The following TBC1D5 variants were observed in gnomAD, a reference collection of about 807,000 sequenced individuals.
TBC1D5 encodes TBC1 domain family member 5.
In TBC1D5, 75 loss-of-function variants were observed where a neutral mutation model predicts 100.3. That is an observed-to-expected ratio of 0.75 (90% CI 0.62 to 0.91). The LOEUF (loss-of-function observed/expected upper bound fraction) is 0.91, where lower values mean the gene tolerates loss of function less well. Ranked by LOEUF, TBC1D5 falls within the 40% of genes least tolerant of loss-of-function variation. The pLI, the probability that TBC1D5 is intolerant of heterozygous loss-of-function variation, is 0.00. For synonymous variants in TBC1D5, 323 were observed against 325.6 expected (o/e 0.99, Z 0.09); for missense variants, 910 against 942.4 (o/e 0.97, Z 0.45).
intron 18 of TBC1D5, among the ~76,000 whole-genome samples, chr3:17,207,606 G>A (rs1231866428): frequency 6.6e-6 from 1 of 152,136 alleles, no homozygotes; most frequent in Non-Finnish European, 1.5e-5. Context: ...GGCATTAACA[G>A]GAATAAATGT....
intron 2 of TBC1D5, among the ~76,000 whole-genome samples, chr3:17,598,875 C>T (rs909987312): frequency 6.6e-6 from 1 of 152,102 alleles, no homozygotes; most frequent in African/African-American, 2.4e-5. Context: ...CCTATTAGCT[C>T]CCTCACACAA....
intron 3 of TBC1D5, among the ~76,000 whole-genome samples, chr3:17,453,985 T>C (rs1576060612): frequency 6.6e-6 from 1 of 152,158 alleles, no homozygotes; most frequent in East Asian, 1.9e-4. Flanking sequence ...ATGTGATACA[T>C]CCTACCAATG....
chr3:17,564,345 A>AT (rs2096580455), intron 2 of TBC1D5, among the ~76,000 whole-genome samples: 1 of 152,100 alleles, frequency 6.6e-6, no homozygotes, highest in Non-Finnish European at 1.5e-5. Context: ...ACTTTTATTC[A>AT]TTTTTTAACC....
At chr3:17,510,407 T>A (rs2095890975) in intron 2 of TBC1D5, among the ~76,000 whole-genome samples, 1 of 151,974 alleles carries the variant, frequency 6.6e-6, no homozygotes, top group Admixed American at 6.6e-5. Flanking sequence ...TAAAACAATA[T>A]AAGCAGAGGA....
chr3:17,227,924 T>C (rs1247752195), intron 17 of TBC1D5, among the ~76,000 whole-genome samples: 1 of 151,642 alleles, frequency 6.6e-6, no homozygotes, highest in African/African-American at 2.4e-5. Context: ...TCCCTCTTGA[T>C]CATCCAGTCT....
rs1046743346 is a variant in TBC1D5, at chr3:17,195,608, C to A, written c.1753-10400G>T. On this transcript the variant is annotated intron_variant, in intron 18 of 21. Transcript: ENST00000253692. ...TTGCACAACTTATTCTCTGGGCTAA[C>A]TGACCTCTATAATGTCCCAATAGAG... Among the ~76,000 whole-genome samples, 3 of 152,330 alleles carry A rather than the reference C, an allele frequency of 2.0e-5. 1 individual carries two copies. The highest frequency in any genetic ancestry group is 6.8e-3 in the Middle Eastern group (2 of 294).
chr3:17,422,060 T>TA (rs1006187953), intron 4 of TBC1D5, among the ~76,000 whole-genome samples: 1 of 152,164 alleles, frequency 6.6e-6, no homozygotes, highest in Non-Finnish European at 1.5e-5. Context: ...GACTGAGTGG[T>TA]GAGGAAGAGG....
At chr3:17,515,068 T>C (rs574856226) in intron 2 of TBC1D5, among the ~76,000 whole-genome samples, 7 of 151,990 alleles carry the variant, frequency 4.6e-5, no homozygotes, top group Non-Finnish European at 7.4e-5. Flanking sequence ...AAAATAAAAT[T>C]TGAAAAGAGA....
At chr3:17,674,966 C>T (rs1422906467) in intron 1 of TBC1D5, among the ~76,000 whole-genome samples, 1 of 151,952 alleles carries the variant, frequency 6.6e-6, no homozygotes, top group Admixed American at 6.6e-5. Context: ...AGAATCCCAA[C>T]CATGTTTTAT....
At chr3:17,319,873 A>G (rs916697126) in intron 13 of TBC1D5, among the ~76,000 whole-genome samples, 9 of 152,224 alleles carry the variant, frequency 5.9e-5, no homozygotes, top group African/African-American at 2.2e-4. Flanking sequence ...CTGTCTCAAA[A>G]GAAAAAGAAG....
chr3:17,456,130 C>A (rs1266772384), intron 3 of TBC1D5, among the ~76,000 whole-genome samples: 2 of 152,108 alleles, frequency 1.3e-5, no homozygotes, highest in Non-Finnish European at 2.9e-5. Flanking sequence ...TATCTCCTGA[C>A]ATATGGAAAA....
At chr3:17,195,196 C>T (rs1327581277) in intron 18 of TBC1D5, among the ~76,000 whole-genome samples, 2 of 152,192 alleles carry the variant, frequency 1.3e-5, no homozygotes, top group East Asian at 1.9e-4. Context: ...TGGAGAAATG[C>T]TCCCATCTTT....
intron 2 of TBC1D5, among the ~76,000 whole-genome samples, chr3:17,614,379 T>G (rs1164909690): frequency 6.6e-6 from 1 of 152,242 alleles, no homozygotes; most frequent in Admixed American, 6.5e-5. Flanking sequence ...GGCTCTTTTT[T>G]GGTTCCATAT....
chr3:17,158,943 G>A (rs73031251), exon 22 of TBC1D5: 18,115 of 149,524 alleles, frequency 0.12, 1,591 homozygotes, highest in East Asian at 0.39. Flanking sequence ...TGAAAACACT[G>A]ACACCTTCCC....
chr3:17,404,116 G>C (rs1465468744), intron 7 of TBC1D5, among the ~76,000 whole-genome samples: 3 of 152,086 alleles, frequency 2.0e-5, no homozygotes, highest in Non-Finnish European at 4.4e-5. Context: ...TATTGGGAAA[G>C]AGGAATGCTA....
intron 1 of TBC1D5, among the ~76,000 whole-genome samples, chr3:17,711,786 G>A (rs1269746534): frequency 6.6e-6 from 1 of 152,078 alleles, no homozygotes; most frequent in East Asian, 1.9e-4. Context: ...GTATTTACAG[G>A]TTTTCAGTGT....
chr3:17,687,293 T>C (rs1171007372), intron 1 of TBC1D5, among the ~76,000 whole-genome samples: 1 of 152,102 alleles, frequency 6.6e-6, no homozygotes, highest in Non-Finnish European at 1.5e-5. Context: ...ATGAGAGCAT[T>C]AAAAGCTAAA....
At chr3:17,217,190 T>C (rs995705038) in intron 17 of TBC1D5, among the ~76,000 whole-genome samples, 6 of 152,148 alleles carry the variant, frequency 3.9e-5, no homozygotes, top group Non-Finnish European at 7.4e-5. Context: ...TCATCTATGT[T>C]ATAGCATGTA....
At chr3:17,275,758 G>A (rs2079927008) in intron 15 of TBC1D5, among the ~76,000 whole-genome samples, 1 of 152,198 alleles carries the variant, frequency 6.6e-6, no homozygotes, top group Non-Finnish European at 1.5e-5. Flanking sequence ...GGCAAAGCCA[G>A]TGGGAAAGAC....
Sources: allele counts gnomAD v4.1 joint callset (sites outside exome capture counted in the v4.1 genomes callset), GRCh38; gene constraint gnomAD v4.1.1; transcripts MANE v1.5; gene names NCBI Gene and HGNC (gene_info 2026-07-23, HGNC 2026-07-21).